Variants in SMO observed in about 807,000 individuals in gnomAD.
SMO encodes smoothened, frizzled class receptor.
Under a neutral mutation model 81.6 loss-of-function variants are expected in SMO, and 40 were observed. That is an observed-to-expected ratio of 0.49 (90% CI 0.38 to 0.64). SMO has a LOEUF of 0.64. Among genes scored for constraint, SMO ranks in the 30% least tolerant of loss-of-function variants. The pLI is 0.00. For missense variants in SMO, 916 were observed against 1,061.1 expected (o/e 0.86, Z 1.90); for synonymous variants, 434 against 432.1 (o/e 1.00, Z -0.05).
At chr7:129,193,785 A>AATAAATATAT (rs1793519931) in intron 1 of SMO, among the ~76,000 whole-genome samples, 1 of 26,348 alleles carries the variant, frequency 3.8e-5, no homozygotes, top group Non-Finnish European at 6.3e-5. Flanking sequence ...AAAAAAAAAA[A>AATAAATATAT]ATATATATAT....
At position 129,212,868 on chromosome 7, in the gene SMO, G is replaced by A. The variant is rs1308348224; in HGVS notation, c.*417G>A. 2 of 291,336 alleles carry A rather than the reference G, an allele frequency of 6.9e-6. No homozygotes were observed. The highest frequency in any genetic ancestry group is 1.3e-5 in the Non-Finnish European group (2 of 155,890). The allele number at this position is 291,336 out of a possible 1,614,324, so 18.0% of individuals were successfully genotyped here. On this transcript the variant is annotated 3_prime_UTR_variant, in exon 12 of 12. Coordinates refer to ENST00000249373, the MANE Select transcript of SMO (RefSeq NM_005631.5). The surrounding 1 kb of genome is among the most constrained non-coding windows in gnomAD (Gnocchi z 5.0). The stretch of plus-strand genomic sequence containing the variant: ...GATGAGGGCTGGCTGCCGTTTTCTG[G>A]GCTGATGGGTGCCCTTTCCTGGCAG...
chr7:129,196,506 A>G (rs1182735478), intron 1 of SMO, among the ~76,000 whole-genome samples: 1 of 151,988 alleles, frequency 6.6e-6, no homozygotes, highest in Non-Finnish European at 1.5e-5. Flanking sequence ...CATTGACTAT[A>G]TAGATTAACT....
Position 129,212,381 on chromosome 7 carries a change from G to T in SMO, c.2294G>T (p.Gly765Val), listed in dbSNP as rs776156624. 1.9e-6 allele frequency: 3 copies of T among 1,614,084 alleles called. No individual in the cohort carries two copies. Among genetic ancestry groups the T allele is most frequent in the South Asian group, 1.1e-5 (1 of 91,086 alleles). The change falls in exon 12 of 12, where the codon GGC becomes GTC. Residue 765 changes from glycine (G) to valine (V), a missense_variant. By Grantham distance (109) the Gly-to-Val change is moderately radical (BLOSUM62 -3). Around this residue, in one of 4 missense-constraint regions of SMO, gnomAD observed 324 missense variants for 312.9 expected, o/e 1.04. Transcript: ENST00000249373. The surrounding 1 kb of genome is among the most constrained non-coding windows in gnomAD (Gnocchi z 5.0). The stretch of plus-strand genomic sequence containing the variant: ...GCATGGGCTCATGGCCGCCGACAGG[G>T]CCTGGGGCCTATTCACTCCCGCACC... ...PVAWAHGRRQ[G>V]LGPIHSRTNL...
chr7:129,188,882 C>T lies in SMO; in HGVS notation c.-270C>T. On this transcript the variant is annotated 5_prime_UTR_variant, in exon 1 of 12. Transcript: ENST00000249373. The surrounding 1 kb of genome is among the most constrained non-coding windows in gnomAD (Gnocchi z 4.9). The stretch of plus-strand genomic sequence containing the variant: ...CCCAGGGGTCTCCTAGGGCTGAAGA[C>T]AACTTGGATTGCGAGGCTAGGGCTT... The T allele has an allele frequency of 3.3e-6, 1 of 305,112 alleles. No individual in the cohort carries two copies. The highest frequency in any genetic ancestry group is 4.8e-5 in the East Asian group (1 of 20,824). 18.9% of individuals were successfully genotyped at this position (305,112 alleles called of 1,614,324 possible). A position where few individuals can be genotyped will look rare whatever the true frequency, so the allele number is the denominator to read the frequency against.
rs769333136 is a variant in SMO, at chr7:129,203,645, A to G, written c.537+56A>G. 173 of 1,412,798 alleles carry G rather than the reference A, an allele frequency of 1.2e-4. 1 individual carries two copies. Among genetic ancestry groups the G allele is most frequent in the Non-Finnish European group, 1.7e-4 (173 of 1,035,610 alleles). 87.5% of individuals were successfully genotyped at this position (1,412,798 alleles called of 1,614,324 possible). On this transcript the variant is annotated intron_variant, in intron 2 of 11. Coordinates refer to ENST00000249373, the MANE Select transcript of SMO (RefSeq NM_005631.5). Reference sequence around the variant, plus strand: ...CTCTGGGTTGGGCAGGACCGGGTATAGGGCAGGGTCCAGTGGGGAGCAGGG... The same window carrying G: ...CTCTGGGTTGGGCAGGACCGGGTATGGGGCAGGGTCCAGTGGGGAGCAGGG...
intron 2 of SMO, 25 bp downstream of exon 2, chr7:129,203,614 C>A (rs2150647013): frequency 6.4e-7 from 1 of 1,574,286 alleles, no homozygotes; most frequent in Non-Finnish European, 8.6e-7. Context: ...AGACAAGGTC[C>A]AGGCTCTCTG....
intron 1 of SMO, among the ~76,000 whole-genome samples, chr7:129,197,304 T>C (rs1051956185): frequency 6.6e-6 from 1 of 152,246 alleles, no homozygotes; most frequent in African/African-American, 2.4e-5. Context: ...TTTTCTACCC[T>C]TCACCATTAA....
Position 129,212,502 on chromosome 7 carries a change from G to A in SMO, c.*51G>A, listed in dbSNP as rs2150657551. ...GAAAGAGAGGAACCAATACCTTCAAGGCTCTTCTTCCTCACCGAGCATGCT... is the reference window on the plus strand; with the variant it reads ...GAAAGAGAGGAACCAATACCTTCAAAGCTCTTCTTCCTCACCGAGCATGCT... On this transcript the variant is annotated 3_prime_UTR_variant, in exon 12 of 12. Transcript: ENST00000249373. This position sits in a 1 kb window ranked among gnomAD's most constrained non-coding sequence, Gnocchi z 5.0. The A allele has an allele frequency of 6.5e-7, 1 of 1,530,924 alleles. No homozygotes were observed. The highest frequency in any genetic ancestry group is 8.9e-7 in the Non-Finnish European group (1 of 1,124,304). The allele number at this position is 1,530,924 out of a possible 1,614,324, so 94.8% of individuals were successfully genotyped here. A position where few individuals can be genotyped will look rare whatever the true frequency, so the allele number is the denominator to read the frequency against.
chr7:129,205,484 G>A lies in SMO; in HGVS notation c.747+72G>A, dbSNP rs2566872. Reference sequence around the variant, plus strand: ...GGGAAGAGAGCCAGAGGGAAGGGGGGCAAAGAGGTCTTGGTGGGGGTCCCC... The same window carrying A: ...GGGAAGAGAGCCAGAGGGAAGGGGGACAAAGAGGTCTTGGTGGGGGTCCCC... On this transcript the variant is annotated intron_variant, in intron 3 of 11. Coordinates refer to ENST00000249373, the MANE Select transcript of SMO (RefSeq NM_005631.5). The A allele has an allele frequency of 0.82, 1,267,558 of 1,544,746 alleles. 522,017 individuals are homozygous for A. The highest frequency in any genetic ancestry group is 0.88 in the Middle Eastern group (5,213 of 5,922).
rs1303877437 is a variant in SMO, at chr7:129,206,071, G to C, written c.921-79G>C. The C allele has an allele frequency of 8.2e-7, 1 of 1,214,626 alleles. No individual in the cohort carries two copies. Among genetic ancestry groups the C allele is most frequent in the Non-Finnish European group, 1.2e-6 (1 of 852,566 alleles). 75.2% of individuals were successfully genotyped at this position (1,214,626 alleles called of 1,614,324 possible). On this transcript the variant is annotated intron_variant, in intron 4 of 11. Transcript: ENST00000249373. This position sits in a 1 kb window ranked among gnomAD's most constrained non-coding sequence, Gnocchi z 4.4. ...AACCTCCAGACCTCAGCAGCTGAGG[G>C]TCTGGGCACAGGGTGGGGAGACCAG...
Position 129,208,846 on chromosome 7 carries a change from G to T in SMO, c.1352G>T (p.Arg451Leu). The change falls in exon 7 of 12, where the codon CGC (arginine) becomes CTC (leucine). Residue 451 changes from arginine (R) to leucine (L), a missense_variant. Coordinates refer to ENST00000249373, the MANE Select transcript of SMO (RefSeq NM_005631.5). The surrounding 1 kb of genome is among the most constrained non-coding windows in gnomAD (Gnocchi z 5.2). ...AASKINETML[R>L]LGIFGFLAFG... Reference sequence around the variant, plus strand: ...AGCAAGATCAACGAGACCATGCTGCGCCTGGGTGAGTGGCCCCGGGGGACT... The same window carrying T: ...AGCAAGATCAACGAGACCATGCTGCTCCTGGGTGAGTGGCCCCGGGGGACT... 1 of 1,612,562 alleles carries T rather than the reference G, an allele frequency of 6.2e-7. No individual in the cohort carries two copies. Among genetic ancestry groups the T allele is most frequent in the Non-Finnish European group, 8.5e-7 (1 of 1,178,928 alleles).
chr7:129,209,863 T>G (rs1288771127), intron 8 of SMO: 1 of 180,000 alleles, frequency 5.6e-6, no homozygotes, highest in Non-Finnish European at 1.2e-5. Flanking sequence ...TTGCTACTGC[T>G]GAGAGAAGCG....
chr7:129,193,268 C>T (rs1284137524), intron 1 of SMO, among the ~76,000 whole-genome samples: 1 of 152,138 alleles, frequency 6.6e-6, no homozygotes, highest in Non-Finnish European at 1.5e-5. Context: ...AAGTGTGTGG[C>T]CCTGTCACCT....
In SMO at chr7:129,206,686, AC is replaced by A; in HGVS notation, c.1264+103del. The A allele has an allele frequency of 1.5e-6, 2 of 1,333,764 alleles. No homozygotes were observed. Among genetic ancestry groups the A allele is most frequent in the Non-Finnish European group, 1.0e-6 (1 of 963,042 alleles). The allele number at this position is 1,333,764 out of a possible 1,614,324, so 82.6% of individuals were successfully genotyped here. On this transcript the variant is annotated intron_variant, in intron 6 of 11. Coordinates refer to ENST00000249373, the MANE Select transcript of SMO (RefSeq NM_005631.5). The surrounding 1 kb of genome is among the most constrained non-coding windows in gnomAD (Gnocchi z 4.4). ...CCAGCACGGCTGCCCCCATGCTGAA[AC>A]CCCAGCTAGCTCCTATAGGGCCTTC...
At chr7:129,198,928 A>T (rs2718108) in intron 1 of SMO, among the ~76,000 whole-genome samples, 1 of 152,138 alleles carries the variant, frequency 6.6e-6, no homozygotes, top group East Asian at 1.9e-4. Context: ...AATGGTGTAC[A>T]TTATTTTACT....
chr7:129,211,191 GC>G lies in SMO; in HGVS notation c.1801+79del. ...GCTAGTCTCTCCCAGCCTGCTGGGGGCACACAGATTATTTGGAAGACCGACT... is the reference window on the plus strand; with the variant it reads ...GCTAGTCTCTCCCAGCCTGCTGGGGGACACAGATTATTTGGAAGACCGACT... On this transcript the variant is annotated intron_variant, in intron 10 of 11. Coordinates refer to ENST00000249373, the MANE Select transcript of SMO (RefSeq NM_005631.5). This position sits in a 1 kb window ranked among gnomAD's most constrained non-coding sequence, Gnocchi z 4.6. 6.8e-7 allele frequency: 1 copy of G among 1,461,316 alleles called. No homozygotes were observed. The highest frequency in any genetic ancestry group is 9.4e-7 in the Non-Finnish European group (1 of 1,067,970). The allele number at this position is 1,461,316 out of a possible 1,614,324, so 90.5% of individuals were successfully genotyped here.
intron 2 of SMO, 51 bp downstream of exon 2, chr7:129,203,640 G>C: frequency 6.9e-7 from 1 of 1,450,974 alleles, no homozygotes; most frequent in Non-Finnish European, 9.4e-7. Flanking sequence ...GGCAGGACCG[G>C]GTATAGGGCA....
At position 129,203,368 on chromosome 7, in the gene SMO, C is replaced by T. The variant is rs1272215873; in HGVS notation, c.332-16C>T. Reference sequence around the variant, plus strand: ...GTGAGGAGGGGCCTTCACTGCAATGCTGTTGCCACCCCCAGGCCTCCGGAA... The same window carrying T: ...GTGAGGAGGGGCCTTCACTGCAATGTTGTTGCCACCCCCAGGCCTCCGGAA... On this transcript the variant is annotated splice_polypyrimidine_tract_variant and intron_variant, in intron 1 of 11. Transcript: ENST00000249373. 1 of 1,544,026 alleles carries T rather than the reference C, an allele frequency of 6.5e-7. No individual in the cohort carries two copies. The highest frequency in any genetic ancestry group is 2.4e-5 in the East Asian group (1 of 40,890).
At chr7:129,209,046 G>A (rs1793819756) in intron 7 of SMO, 195 bp downstream of exon 7, 1 of 618,294 alleles carries the variant, frequency 1.6e-6, no homozygotes, top group Non-Finnish European at 2.9e-6. Context: ...GAAGAATTCA[G>A]TCAAGTTCAT....
Sources: gnomAD v4.1 joint callset for allele counts (sites outside exome capture counted in the v4.1 genomes callset) on GRCh38, gnomAD v4.1.1 for gene constraint, gnomAD v4.1.1 regional missense constraint, Gnocchi (gnomAD v3.1) non-coding constraint, MANE v1.5 for transcripts, NCBI Gene and HGNC (gene_info 2026-07-23, HGNC 2026-07-21) for gene names.